NBEAL1: variants seen among roughly 807,000 people sequenced by gnomAD.
NBEAL1 encodes the protein neurobeachin-like protein 1.
A neutral mutation model predicts 351.3 loss-of-function variants in NBEAL1; 273 were observed. The ratio of observed to expected loss-of-function variants is 0.78; its 90% confidence interval spans 0.70 to 0.86. The LOEUF is 0.86. Ranked by LOEUF, NBEAL1 falls within the 40% of genes least tolerant of loss-of-function variation. The probability of loss-of-function intolerance (pLI) is 0.00; values close to 1 mark genes in which losing one functional copy is unlikely to be tolerated. For missense variants in NBEAL1, 2,961 were observed against 3,201.3 expected, an observed-to-expected ratio of 0.92 and a Z score of 1.81; for synonymous variants, 1,050 against 1,086.4, an observed-to-expected ratio of 0.97 and a Z score of 0.66.
At chr2:203,177,090 A>G (rs1452926901) in intron 42 of NBEAL1, among the ~76,000 whole-genome samples, 1 of 150,610 alleles carries the variant, frequency 6.6e-6, no homozygotes, top group Middle Eastern at 3.2e-3. Flanking sequence ...GGTCGAGGCT[A>G]TAGTGAACCA....
intron 2 of NBEAL1, among the ~76,000 whole-genome samples, chr2:203,039,270 C>G (rs1213627160): frequency 1.7e-5 from 1 of 60,286 alleles, no homozygotes; most frequent in Non-Finnish European, 3.4e-5. Flanking sequence ...CCTTCCCTTC[C>G]CTTCCCTTCC....
At chr2:203,051,412 C>T (rs963419197) in intron 4 of NBEAL1, among the ~76,000 whole-genome samples, 2 of 151,676 alleles carry the variant, frequency 1.3e-5, no homozygotes, top group African/African-American at 4.8e-5. Flanking sequence ...GGCATGGTGG[C>T]GGGTGCCTGA....
chr2:203,042,779 G>C (rs966052144), intron 3 of NBEAL1, among the ~76,000 whole-genome samples: 2 of 151,870 alleles, frequency 1.3e-5, no homozygotes, highest in African/African-American at 4.8e-5. Flanking sequence ...GTAGAGACAG[G>C]GTTTCACCAT....
In NBEAL1 at chr2:203,126,617, G is replaced by A. The variant is rs779111954; in HGVS notation, c.3046G>A (p.Val1016Ile). ...GGCAGTTCAGTTACTAATTGAACAAGTATCATTAGAGAAAAATATGCAGCT... is the reference window on the plus strand; with the variant it reads ...GGCAGTTCAGTTACTAATTGAACAAATATCATTAGAGAAAAATATGCAGCT... ...LMAVQLLIEQ[V>I]SLEKNMQLLQ... is the part of the protein sequence containing the mutation. Residue 1016 changes from valine to isoleucine, a missense_variant, in exon 22 of 56, where the codon GTA becomes ATA. Val to Ile is a conservative substitution (Grantham distance 29, BLOSUM62 3). Transcript: ENST00000683969. The A allele has an allele frequency of 3.9e-6, 6 of 1,526,950 alleles. No individual in the cohort carries two copies. The African/African-American group carries it at 5.5e-5, about 14-fold the overall frequency. 94.6% of individuals were successfully genotyped at this position (1,526,950 alleles called of 1,614,324 possible). A position where few individuals can be genotyped will look rare whatever the true frequency, so the allele number is the denominator to read the frequency against.
At chr2:203,018,706 T>C (rs988809288) in intron 2 of NBEAL1, among the ~76,000 whole-genome samples, 17 of 152,126 alleles carry the variant, frequency 1.1e-4, no homozygotes, top group African/African-American at 3.9e-4. Context: ...CTCTTTTGTG[T>C]CTGTCACCCA....
In NBEAL1 at chr2:203,157,851, T is replaced by C. The variant is rs780516176; in HGVS notation, c.5714+26T>C. ...GTATGTATAAATATTTAAAATTATT[T>C]TGTTCTGAGAAAGGGGATTGCAAAA... On this transcript the variant is annotated intron_variant, in intron 36 of 55. Transcript: ENST00000683969. 8.9e-6 allele frequency: 13 copies of C among 1,468,688 alleles called. No individual in the cohort carries two copies. The South Asian group carries it at 1.9e-4, about 22-fold the overall frequency. 91.0% of individuals were successfully genotyped at this position (1,468,688 alleles called of 1,614,324 possible).
At chr2:203,126,175 A>T in intron 21 of NBEAL1, 82 bp downstream of exon 21, 4 of 1,323,902 alleles carry the variant, frequency 3.0e-6, no homozygotes, top group Non-Finnish European at 4.1e-6. Flanking sequence ...CCTAATAAAT[A>T]TATTTTTAAA....
rs564765996 is a variant in NBEAL1, at chr2:203,100,123, A to T, written c.1269+411A>T. On this transcript the variant is annotated intron_variant, in intron 12 of 55. Transcript: ENST00000683969. ...GGCTGTGTAGTATTCCATGGTGTAT[A>T]TATACTACATTTTCTTTATCCAGTC... Among the ~76,000 whole-genome samples the T allele has an allele frequency of 6.3e-4, 96 of 152,122 alleles. 1 individual carries two copies. The highest frequency in any genetic ancestry group is 8.4e-4 in the Non-Finnish European group (57 of 68,026).
At position 203,116,007 on chromosome 2, in the gene NBEAL1, G is replaced by T; in HGVS notation, c.2529G>T (p.Trp843Cys). 1 of 1,553,138 alleles carries T rather than the reference G, an allele frequency of 6.4e-7. No homozygotes were observed. ...CAGGTCCAAATTGTTTAAGCCCTTG[G>T]AAGTGTCAAGAGTCTGACATGGCCG... is the stretch of plus-strand genomic sequence containing the variant. ...YLAGPNCLSP[W>C]KCQESDMADL... Residue 843 changes from tryptophan (W) to cysteine (C), a missense_variant, in exon 18 of 56, where the codon TGG (tryptophan) becomes TGT (cysteine). Transcript: ENST00000683969.
At chr2:203,125,246 T>TG in intron 19 of NBEAL1, 106 bp from the exon 20 acceptor site, 2 of 813,458 alleles carry the variant, frequency 2.5e-6, no homozygotes, top group Non-Finnish European at 3.5e-6. Context: ...TCCTGTACAT[T>TG]GCTCAAAGGT....
At chr2:203,047,120 C>T (rs2061241216) in intron 3 of NBEAL1, among the ~76,000 whole-genome samples, 1 of 151,998 alleles carries the variant, frequency 6.6e-6, no homozygotes, top group African/African-American at 2.4e-5. Flanking sequence ...GCCTGTAATC[C>T]CAGCTACTCA....
In NBEAL1 at chr2:203,157,726, A is replaced by G. The variant is rs1183914033; in HGVS notation, c.5615A>G (p.Asp1872Gly). Reference protein sequence around the residue: ...LGIQHSQPSSDTLLLEVVKQV... With the variant: ...LGIQHSQPSSGTLLLEVVKQV... ...ATCCAACACTCACAGCCTTCCAGTG[A>G]TACATTGCTTTTGGAAGTAGTGAAA... Residue 1872 changes from aspartate to glycine, a missense_variant, in exon 36 of 56, where the codon GAT becomes GGT. Asp to Gly is a moderately conservative substitution (Grantham distance 94). Coordinates refer to ENST00000683969, the MANE Select transcript of NBEAL1 (RefSeq NM_001378026.1). The G allele has an allele frequency of 1.1e-5, 18 of 1,601,336 alleles. No individual in the cohort carries two copies. Among genetic ancestry groups the G allele is most frequent in the Non-Finnish European group, 1.5e-5 (18 of 1,174,788 alleles).
At chr2:203,065,898 G>A (rs892950389) in intron 6 of NBEAL1, among the ~76,000 whole-genome samples, 1 of 152,210 alleles carries the variant, frequency 6.6e-6, no homozygotes, top group African/African-American at 2.4e-5. Context: ...CAAATATCAA[G>A]TAATAATGGA....
At chr2:203,156,568 A>G (rs2063803739) in intron 35 of NBEAL1, among the ~76,000 whole-genome samples, 2 of 152,256 alleles carry the variant, frequency 1.3e-5, no homozygotes, top group South Asian at 4.1e-4. Flanking sequence ...ATGAAAAAAC[A>G]TGTTCAGTAG....
At chr2:203,147,104 C>T (rs2063532280) in intron 33 of NBEAL1, among the ~76,000 whole-genome samples, 1 of 152,082 alleles carries the variant, frequency 6.6e-6, no homozygotes, top group Admixed American at 6.5e-5. Flanking sequence ...AGATAGGGAA[C>T]TAGGCAGGGA....
At chr2:203,212,571 C>T (rs2065815706) in intron 54 of NBEAL1, among the ~76,000 whole-genome samples, 1 of 146,378 alleles carries the variant, frequency 6.8e-6, no homozygotes, top group African/African-American at 2.6e-5. Context: ...CGCACCACTG[C>T]ACTCCAGCCT....
chr2:203,051,886 CTT>C (rs1430678407), intron 4 of NBEAL1, among the ~76,000 whole-genome samples: 5 of 152,060 alleles, frequency 3.3e-5, no homozygotes, highest in Admixed American at 3.3e-4. Context: ...CTTTAATAAA[CTT>C]TATGTTTTAG....
At chr2:203,098,299 T>G (rs1390941329) in intron 11 of NBEAL1, among the ~76,000 whole-genome samples, 1 of 152,214 alleles carries the variant, frequency 6.6e-6, no homozygotes, top group East Asian at 1.9e-4. Context: ...TTGTCTTTTA[T>G]TAACATTGTG....
intron 2 of NBEAL1, among the ~76,000 whole-genome samples, chr2:203,030,858 T>C (rs1171445050): frequency 7.2e-5 from 11 of 152,068 alleles, no homozygotes; most frequent in Middle Eastern, 6.8e-3. Flanking sequence ...ACAAAAAAAA[T>C]TCAAAAATTA....
Sources: allele counts gnomAD v4.1 joint callset (sites outside exome capture counted in the v4.1 genomes callset), GRCh38; gene constraint gnomAD v4.1.1; transcripts MANE v1.5; gene names NCBI Gene and HGNC (gene_info 2026-07-23, HGNC 2026-07-21).